EPB41L4B: variants seen among roughly 807,000 people sequenced by gnomAD.
EPB41L4B encodes band 4.1-like protein 4B.
EPB41L4B carries 30 observed loss-of-function variants against 112.5 expected under a neutral mutation model. The ratio of observed to expected loss-of-function variants is 0.27; its 90% CI spans 0.20 to 0.36. EPB41L4B has a LOEUF of 0.36. Among genes scored for constraint, EPB41L4B ranks in the 10% least tolerant of loss-of-function variants. The probability of loss-of-function intolerance (pLI) is 1.00; values close to 1 mark genes in which losing one functional copy is unlikely to be tolerated. For synonymous variants in EPB41L4B, 408 were observed against 439.7 expected, an observed-to-expected ratio of 0.93 and a Z score of 0.90; for missense variants, 1,024 against 1,133.3, an observed-to-expected ratio of 0.90 and a Z score of 1.38.
In EPB41L4B at chr9:109,242,954, G is replaced by A. The variant is rs550467427; in HGVS notation, c.1409+664C>T. ...ATTATGGTAGGTTGGGGCCAAGGTT[G>A]GTAAATGGCAGCCCTCGGCCCAATC... On this transcript the variant is annotated intron_variant, in intron 15 of 25. Transcript: ENST00000374566. Among the ~76,000 whole-genome samples, 5 of 151,728 alleles carry A rather than the reference G, an allele frequency of 3.3e-5. No homozygotes were observed. In the South Asian group the frequency reaches 1.0e-3, roughly 32 times the overall value.
At chr9:109,316,590 A>T (rs1011351065) in intron 1 of EPB41L4B, among the ~76,000 whole-genome samples, 1 of 152,070 alleles carries the variant, frequency 6.6e-6, no homozygotes, top group African/African-American at 2.4e-5. Context: ...GGCTAAGGAG[A>T]GGGAGGTGCT....
intron 6 of EPB41L4B, among the ~76,000 whole-genome samples, chr9:109,261,430 TC>T (rs1197850482): frequency 1.3e-5 from 2 of 152,066 alleles, no homozygotes; most frequent in East Asian, 3.9e-4. Context: ...GTGAGGTTGC[TC>T]ATGCCTGTAA....
intron 22 of EPB41L4B, among the ~76,000 whole-genome samples, chr9:109,187,038 G>A (rs760720452): frequency 5.3e-5 from 8 of 152,216 alleles, no homozygotes; most frequent in Non-Finnish European, 7.3e-5. Flanking sequence ...TTGTACTGGT[G>A]AGGATGAGGT....
intron 15 of EPB41L4B, among the ~76,000 whole-genome samples, chr9:109,228,740 C>T (rs10816788): frequency 6.6e-5 from 10 of 152,150 alleles, no homozygotes; most frequent in Non-Finnish European, 1.2e-4. Flanking sequence ...TTTGCCCCAA[C>T]TGAAGTGAGC....
At chr9:109,247,630 A>G in intron 14 of EPB41L4B, 126 bp downstream of exon 14, 1 of 603,902 alleles carries the variant, frequency 1.7e-6, no homozygotes, top group Non-Finnish European at 2.6e-6. Flanking sequence ...TATTTTCTCA[A>G]AATCTGATTA....
chr9:109,263,163 GT>G (rs1271728979), intron 5 of EPB41L4B, 61 bp from the exon 6 acceptor site: 1 of 1,073,216 alleles, frequency 9.3e-7, no homozygotes, highest in East Asian at 2.6e-5. Context: ...CATACAAAAT[GT>G]CATTAAAATC....
rs780767206 is a variant in EPB41L4B, at chr9:109,307,358, C to A, written c.306+12783G>T. 49 of 379,732 alleles carry A rather than the reference C, an allele frequency of 1.3e-4. 1 individual carries two copies. Among genetic ancestry groups the A allele is most frequent in the Non-Finnish European group, 2.0e-4 (39 of 194,958 alleles). 23.5% of individuals were successfully genotyped at this position (379,732 alleles called of 1,614,324 possible). A position where few individuals can be genotyped will look rare whatever the true frequency, so the allele number is the denominator to read the frequency against. Reference sequence around the variant, plus strand: ...AATACTGAGGTATCCTAAACAAATACCTCCGACCTTAAATTTCCTGCTCTC... The same window carrying A: ...AATACTGAGGTATCCTAAACAAATAACTCCGACCTTAAATTTCCTGCTCTC... On this transcript the variant is annotated intron_variant, in intron 1 of 25. Transcript: ENST00000374566.
intron 18 of EPB41L4B, among the ~76,000 whole-genome samples, chr9:109,203,944 G>T (rs549326071): frequency 1.3e-5 from 2 of 152,302 alleles, no homozygotes; most frequent in Non-Finnish European, 2.9e-5. Context: ...CAATCATTCA[G>T]ATGCAATCAA....
rs1167297299 is a variant in EPB41L4B, at chr9:109,172,985, G to A, written c.*1569C>T. ...ATGAGATCAGTTCCTCTTAACAAGT[G>A]GTCATAAGAAATGAATGAACATTTT... On this transcript the variant is annotated 3_prime_UTR_variant, in exon 26 of 26. Coordinates refer to ENST00000374566, the MANE Select transcript of EPB41L4B (RefSeq NM_019114.5). The A allele has an allele frequency of 1.3e-5, 2 of 152,442 alleles. No individual in the cohort carries two copies. The highest frequency in any genetic ancestry group is 2.9e-5 in the Non-Finnish European group (2 of 68,010). 9.4% of individuals were successfully genotyped at this position (152,442 alleles called of 1,614,324 possible). A position where few individuals can be genotyped will look rare whatever the true frequency, so the allele number is the denominator to read the frequency against.
chr9:109,249,317 C>A (rs560991759), intron 13 of EPB41L4B, among the ~76,000 whole-genome samples: 3 of 151,808 alleles, frequency 2.0e-5, no homozygotes, highest in African/African-American at 7.3e-5. Flanking sequence ...TTAAGCGTTC[C>A]GCAAGGTGCT....
chr9:109,270,416 C>T (rs1197230874), intron 2 of EPB41L4B, among the ~76,000 whole-genome samples: 1 of 152,124 alleles, frequency 6.6e-6, no homozygotes, highest in East Asian at 1.9e-4. Context: ...AGGGGGTGGG[C>T]TGGGTTGTCA....
At chr9:109,260,319 C>T (rs1388646648) in intron 6 of EPB41L4B, among the ~76,000 whole-genome samples, 3 of 152,120 alleles carry the variant, frequency 2.0e-5, no homozygotes, top group Non-Finnish European at 1.5e-5. Context: ...ATCCGCCCAC[C>T]TCAGCCTCCC....
intron 23 of EPB41L4B, among the ~76,000 whole-genome samples, chr9:109,183,451 T>C (rs1214301909): frequency 6.6e-6 from 1 of 152,138 alleles, no homozygotes; most frequent in East Asian, 1.9e-4. Flanking sequence ...GGAGTACCTG[T>C]AGTACTGAGC....
intron 15 of EPB41L4B, among the ~76,000 whole-genome samples, chr9:109,219,328 C>G (rs1363057225): frequency 2.6e-5 from 4 of 152,172 alleles, no homozygotes; most frequent in Admixed American, 2.6e-4. Flanking sequence ...CTTATTGTGC[C>G]TTTTTGTGCC....
intron 19 of EPB41L4B, among the ~76,000 whole-genome samples, chr9:109,200,624 CT>C (rs1447277414): frequency 2.0e-5 from 3 of 152,146 alleles, no homozygotes. Flanking sequence ...ACAGCCACCC[CT>C]GCCCCCCAAT....
chr9:109,175,213 G>C (rs894029042), intron 25 of EPB41L4B, among the ~76,000 whole-genome samples: 1 of 151,956 alleles, frequency 6.6e-6, no homozygotes, highest in Non-Finnish European at 1.5e-5. Context: ...CACCAAGCCC[G>C]GCCCTCAGTA....
intron 15 of EPB41L4B, among the ~76,000 whole-genome samples, chr9:109,239,522 T>C (rs1834279449): frequency 6.6e-6 from 1 of 152,074 alleles, no homozygotes; most frequent in Non-Finnish European, 1.5e-5. Context: ...AAAAGAGCAG[T>C]GAGCAGAAGA....
At chr9:109,290,682 T>C (rs1836488612) in intron 1 of EPB41L4B, among the ~76,000 whole-genome samples, 1 of 151,530 alleles carries the variant, frequency 6.6e-6, no homozygotes, top group African/African-American at 2.4e-5. Flanking sequence ...AACTTGCCAC[T>C]TTCTATGAGC....
intron 1 of EPB41L4B, among the ~76,000 whole-genome samples, chr9:109,293,712 A>AC (rs1388503522): frequency 1.1e-4 from 16 of 151,738 alleles, no homozygotes; most frequent in African/African-American, 3.9e-4. Flanking sequence ...AAAAAAAAAA[A>AC]AAAAAAAACA....
Sources: gnomAD v4.1 joint callset for allele counts (sites outside exome capture counted in the v4.1 genomes callset) on GRCh38, gnomAD v4.1.1 for gene constraint, MANE v1.5 for transcripts, NCBI Gene and HGNC (gene_info 2026-07-23, HGNC 2026-07-21) for gene names.